The following SAFB2 variants were observed in gnomAD, a reference collection of about 807,000 sequenced individuals.
The protein encoded by SAFB2 is scaffold attachment factor B2.
In SAFB2, 32 loss-of-function variants were observed where a neutral mutation model predicts 100.6. The observed-to-expected ratio is 0.32, with a 90% confidence interval of 0.24 to 0.43. The LOEUF is 0.43. Ranked by LOEUF, SAFB2 falls within the 20% of genes least tolerant of loss-of-function variation. SAFB2 has a pLI of 1.00. For missense variants in SAFB2, 1,185 were observed against 1,163.4 expected (o/e 1.02, Z -0.27); for synonymous variants, 500 against 439.4 (o/e 1.14, Z -1.72).
At chr19:5,613,344 T>C in intron 5 of SAFB2, 121 bp downstream of exon 5, 1 of 899,324 alleles carries the variant, frequency 1.1e-6, no homozygotes, top group Non-Finnish European at 1.7e-6. Context: ...GCTAACCTCT[T>C]AACCCCAGCA....
rs1336874568 is a variant in SAFB2, at chr19:5,593,712, G to A, written c.2207+179C>T. On this transcript the variant is annotated intron_variant, in intron 15 of 20. Transcript: ENST00000252542. ...CTACACAGCCTCCGGTGAGGACAGC[G>A]AACTAATAAACCTGCAGCAGCGCAG... 3 of 625,278 alleles carry A rather than the reference G, an allele frequency of 4.8e-6. No homozygotes were observed. In the African/African-American group the frequency reaches 5.9e-5, roughly 12 times the overall value. The allele number at this position is 625,278 out of a possible 1,614,324, so 38.7% of individuals were successfully genotyped here. A position where few individuals can be genotyped will look rare whatever the true frequency, so the allele number is the denominator to read the frequency against.
chr19:5,591,979 G>T (rs1301304218), intron 16 of SAFB2, among the ~76,000 whole-genome samples, 186 bp from the exon 17 acceptor site: 3 of 152,230 alleles, frequency 2.0e-5, no homozygotes, highest in Admixed American at 1.3e-4. Context: ...AACGAAGTTG[G>T]ATCCTAAAGA....
chr19:5,616,868 T>G (rs1599279788), intron 2 of SAFB2, among the ~76,000 whole-genome samples: 2 of 152,082 alleles, frequency 1.3e-5, no homozygotes, highest in East Asian at 3.9e-4. Context: ...GCCAGGCTGG[T>G]CTCAAACTCC....
At chr19:5,594,228 G>T (rs1208204576) in intron 14 of SAFB2, 50 bp from the exon 15 acceptor site, 1 of 1,496,058 alleles carries the variant, frequency 6.7e-7, no homozygotes, top group African/African-American at 1.4e-5. Flanking sequence ...AGCCTCCAAG[G>T]AGAAAGCCCG....
chr19:5,612,406 G>C (rs918480580), intron 6 of SAFB2, 134 bp downstream of exon 6: 60 of 828,814 alleles, frequency 7.2e-5, no homozygotes, highest in Non-Finnish European at 1.2e-4. Context: ...TCCAATCTCT[G>C]ATCCTTGTAT....
intron 9 of SAFB2, among the ~76,000 whole-genome samples, chr19:5,606,438 C>T (rs527363043): frequency 6.6e-6 from 1 of 152,214 alleles, no homozygotes; most frequent in Admixed American, 6.5e-5. Flanking sequence ...CCAGCCTGGG[C>T]AACACAGAGA....
intron 15 of SAFB2, among the ~76,000 whole-genome samples, chr19:5,593,126 G>A (rs755390345): frequency 2.0e-5 from 3 of 152,234 alleles, no homozygotes; most frequent in Non-Finnish European, 2.9e-5. Flanking sequence ...AAGGAGCACT[G>A]CTGTGAGCTC....
At position 5,587,575 on chromosome 19, in the gene SAFB2, G is replaced by A. The variant is rs938898614; in HGVS notation, c.2705+126C>T. On this transcript the variant is annotated intron_variant, in intron 20 of 20. Coordinates refer to ENST00000252542, the MANE Select transcript of SAFB2 (RefSeq NM_014649.3). This position sits in a 1 kb window ranked among gnomAD's most constrained non-coding sequence, Gnocchi z 4.9. Reference sequence around the variant, plus strand: ...CTCAAGAGCGTTATTTGCATAAATTGCAAAGAGCTGCTTTTTGCTTTGTTT... The same window carrying A: ...CTCAAGAGCGTTATTTGCATAAATTACAAAGAGCTGCTTTTTGCTTTGTTT... 6.9e-6 allele frequency: 10 copies of A among 1,449,272 alleles called. No individual in the cohort carries two copies. Among genetic ancestry groups the A allele is most frequent in the Non-Finnish European group, 9.2e-6 (10 of 1,090,930 alleles). The allele number at this position is 1,449,272 out of a possible 1,614,324, so 89.8% of individuals were successfully genotyped here.
intron 18 of SAFB2, among the ~76,000 whole-genome samples, chr19:5,589,422 C>T (rs998451112): frequency 6.6e-6 from 1 of 151,952 alleles, no homozygotes; most frequent in African/African-American, 2.4e-5. Context: ...TGCCTCTCAG[C>T]GCGGAGGGAG....
chr19:5,593,029 A>G (rs1378844756), intron 15 of SAFB2, 142 bp from the exon 16 acceptor site: 1 of 737,736 alleles, frequency 1.4e-6, no homozygotes, highest in Non-Finnish European at 2.2e-6. Context: ...ATCTCTAAAC[A>G]TTCGATCATC....
chr19:5,616,589 T>C (rs1483106297), intron 2 of SAFB2, 103 bp from the exon 3 acceptor site: 2 of 945,452 alleles, frequency 2.1e-6, no homozygotes, highest in Non-Finnish European at 3.4e-6. Flanking sequence ...CATTACAAGA[T>C]AAACTATAAG....
In SAFB2 at chr19:5,587,275, G is replaced by C. The variant is rs1240605653; in HGVS notation, c.2830C>G (p.Pro944Ala). 1 of 1,613,340 alleles carries C rather than the reference G, an allele frequency of 6.2e-7. No individual in the cohort carries two copies. The highest frequency in any genetic ancestry group is 8.5e-7 in the Non-Finnish European group (1 of 1,179,794). The change falls in exon 21 of 21, where the codon CCC (proline) becomes GCC (alanine). Residue 944 changes from proline to alanine, a missense_variant. By Grantham distance (27) the Pro-to-Ala change is conservative. This residue lies in a region of SAFB2 where 740 missense variants were observed against 687.1 expected (regional missense o/e 1.08). Coordinates refer to ENST00000252542, the MANE Select transcript of SAFB2 (RefSeq NM_014649.3). The surrounding 1 kb of genome is among the most constrained non-coding windows in gnomAD (Gnocchi z 4.9). ...CGGCGGGTGAAGTGGGGGTACGGGGGGGGATGAGGGTGTGGGTGAGGGACT... is the reference window on the plus strand; with the variant it reads ...CGGCGGGTGAAGTGGGGGTACGGGGCGGGATGAGGGTGTGGGTGAGGGACT... Reference protein sequence around the residue: ...SRVPHPHPHPPPYPHFTRRY With the variant: ...SRVPHPHPHPAPYPHFTRRY
At chr19:5,614,008 C>T (rs1258500856) in intron 4 of SAFB2, among the ~76,000 whole-genome samples, 1 of 152,234 alleles carries the variant, frequency 6.6e-6, no homozygotes, top group Non-Finnish European at 1.5e-5. Context: ...GGCTGGAGTG[C>T]AATGGCGCCA....
At chr19:5,613,407 T>A in intron 5 of SAFB2, 58 bp downstream of exon 5, 3 of 1,448,238 alleles carry the variant, frequency 2.1e-6, no homozygotes, top group South Asian at 1.2e-5. Context: ...TCTTTCATTA[T>A]GGAAAATCAA....
chr19:5,598,600 C>T (rs958655403), intron 13 of SAFB2, 193 bp downstream of exon 13: 16 of 593,002 alleles, frequency 2.7e-5, no homozygotes, highest in Admixed American at 5.5e-5. Flanking sequence ...GAAGCAAACA[C>T]GGATGGGCAC....
intron 2 of SAFB2, among the ~76,000 whole-genome samples, chr19:5,619,886 C>T (rs2053106308): frequency 6.6e-6 from 1 of 151,398 alleles, no homozygotes; most frequent in Non-Finnish European, 1.5e-5. Context: ...CTGCTAAAAG[C>T]CAAGGATATT....
intron 2 of SAFB2, among the ~76,000 whole-genome samples, chr19:5,618,218 C>T (rs1052472705): frequency 6.6e-6 from 1 of 151,750 alleles, no homozygotes; most frequent in Admixed American, 6.6e-5. Flanking sequence ...GAAAAACAGC[C>T]GGACGTGGTG....
chr19:5,601,661 G>A (rs1030584820), intron 11 of SAFB2, among the ~76,000 whole-genome samples: 1 of 151,872 alleles, frequency 6.6e-6, no homozygotes, highest in Non-Finnish European at 1.5e-5. Flanking sequence ...GCAGTCAGCC[G>A]AGATGGCGCC....
chr19:5,616,270 G>A lies in SAFB2; in HGVS notation c.405C>T (p.Asp135=), dbSNP rs756499003. The change falls in exon 4 of 21, where the codon GAC becomes GAT. Residue 135 remains aspartate (D), a synonymous_variant. Coordinates refer to ENST00000252542, the MANE Select transcript of SAFB2 (RefSeq NM_014649.3). ...NMGMMDMSVL[D]ETEVANSSAP... is the part of the protein sequence containing the mutation. ...CACTGCTATTCGCCACTTCAGTTTC[G>A]TCTAGCACACTCATGTCCATCATGC... is the stretch of plus-strand genomic sequence containing the variant. 1.4e-5 allele frequency: 23 copies of A among 1,613,958 alleles called. No individual in the cohort carries two copies. Among genetic ancestry groups the A allele is most frequent in the Non-Finnish European group, 5.1e-6 (6 of 1,180,024 alleles).
Sources: allele counts gnomAD v4.1 joint callset (sites outside exome capture counted in the v4.1 genomes callset), GRCh38; gene constraint gnomAD v4.1.1; regional missense constraint gnomAD v4.1.1; non-coding constraint Gnocchi (gnomAD v3.1); transcripts MANE v1.5; gene names NCBI Gene and HGNC (gene_info 2026-07-23, HGNC 2026-07-21).